PARD3B: variants seen among roughly 807,000 people sequenced by gnomAD.
PARD3B encodes the protein par-3 family cell polarity regulator beta.
Under a neutral mutation model 130.2 loss-of-function variants are expected in PARD3B, and 103 were observed. The observed-to-expected ratio is 0.79, with a 90% CI of 0.67 to 0.93. PARD3B has a LOEUF of 0.93. Among genes scored for constraint, PARD3B ranks in the 40% least tolerant of loss-of-function variants. PARD3B has a pLI of 0.00. For missense variants in PARD3B, 1,609 were observed against 1,499.2 expected, an observed-to-expected ratio of 1.07 and a Z score of -1.21; for synonymous variants, 583 against 553.2, an observed-to-expected ratio of 1.05 and a Z score of -0.76.
chr2:204,864,347 A>G (rs1261573147), intron 2 of PARD3B, among the ~76,000 whole-genome samples: 2 of 152,190 alleles, frequency 1.3e-5, no homozygotes, highest in African/African-American at 2.4e-5. Flanking sequence ...AAAAGCCCCA[A>G]ATGATCTGGC....
At chr2:205,496,605 A>C (rs75055432) in intron 20 of PARD3B, among the ~76,000 whole-genome samples, 2 of 152,144 alleles carry the variant, frequency 1.3e-5, no homozygotes, top group Non-Finnish European at 2.9e-5. Context: ...CCTGTCAGCC[A>C]CAGGGGACTT....
At chr2:205,391,198 C>T (rs561942648) in intron 18 of PARD3B, among the ~76,000 whole-genome samples, 2 of 152,292 alleles carry the variant, frequency 1.3e-5, no homozygotes, top group East Asian at 1.9e-4. Context: ...TCCTAGTTTT[C>T]GGGTTTCCGG....
At chr2:205,387,786 A>C (rs763339672) in intron 18 of PARD3B, among the ~76,000 whole-genome samples, 1 of 152,140 alleles carries the variant, frequency 6.6e-6, no homozygotes, top group Non-Finnish European at 1.5e-5. Context: ...TCCAAAGCCA[A>C]ATACAGGTTG....
intron 20 of PARD3B, among the ~76,000 whole-genome samples, chr2:205,444,922 G>A (rs1040271741): frequency 1.3e-5 from 2 of 152,152 alleles, no homozygotes; most frequent in East Asian, 3.8e-4. Flanking sequence ...TTAATTTAGA[G>A]AGAACAGTTT....
At chr2:204,629,079 C>T (rs1335217372) in intron 1 of PARD3B, among the ~76,000 whole-genome samples, 1 of 152,118 alleles carries the variant, frequency 6.6e-6, no homozygotes, top group Non-Finnish European at 1.5e-5. Context: ...ATTGCCTAAA[C>T]TCACTTCAAA....
chr2:204,728,066 C>T lies in PARD3B; in HGVS notation c.222+41784C>T, dbSNP rs979678172. On this transcript the variant is annotated intron_variant, in intron 2 of 22. Transcript: ENST00000406610. ...GGGAAGAAAGCCTAAAGGCACTTAG[C>T]GCGGGAGGATGCATATTAAATTGTC... Among the ~76,000 whole-genome samples, 12 of 152,222 alleles carry T rather than the reference C, an allele frequency of 7.9e-5. No homozygotes were observed. In the South Asian group the frequency reaches 1.2e-3, roughly 16 times the overall value.
intron 1 of PARD3B, among the ~76,000 whole-genome samples, chr2:204,578,197 C>T (rs1282584663): frequency 6.6e-6 from 1 of 152,188 alleles, no homozygotes; most frequent in East Asian, 1.9e-4. Flanking sequence ...GTGTACAGTT[C>T]TGCAAGATAT....
intron 15 of PARD3B, among the ~76,000 whole-genome samples, chr2:205,218,415 CT>C (rs2038064542): frequency 6.6e-6 from 1 of 152,056 alleles, no homozygotes; most frequent in African/African-American, 2.4e-5. Flanking sequence ...GAAATGGAAG[CT>C]TATGCCAATT....
Position 205,028,248 on chromosome 2 carries a change from C to T in PARD3B, c.395-19333C>T, listed in dbSNP as rs558486037. Among the ~76,000 whole-genome samples the T allele has an allele frequency of 4.2e-4, 64 of 152,240 alleles. 1 individual carries two copies. In the South Asian group the frequency reaches 7.9e-3, roughly 19 times the overall value. On this transcript the variant is annotated intron_variant, in intron 3 of 22. Transcript: ENST00000406610. ...TTGAGTCTTCAATTTCTTTCAACAA[C>T]ATCTTATAGTTTTTGATGTACAGAT... is the stretch of plus-strand genomic sequence containing the variant.
At chr2:204,630,662 A>G (rs1369688966) in intron 1 of PARD3B, among the ~76,000 whole-genome samples, 1 of 152,148 alleles carries the variant, frequency 6.6e-6, no homozygotes, top group Admixed American at 6.5e-5. Context: ...AAGAGTTGTG[A>G]TGGGAAGTGT....
intron 15 of PARD3B, among the ~76,000 whole-genome samples, chr2:205,197,028 G>GTGTGT (rs1559532527): frequency 6.3e-4 from 6 of 9,482 alleles, no homozygotes; most frequent in African/African-American, 3.2e-3. Flanking sequence ...CACTGTGGGG[G>GTGTGT]GGGGGTGTGT....
intron 3 of PARD3B, among the ~76,000 whole-genome samples, chr2:205,027,235 C>T (rs932914899): frequency 6.6e-6 from 1 of 152,120 alleles, no homozygotes; most frequent in Admixed American, 6.6e-5. Flanking sequence ...GCTATCTCAT[C>T]TTTCTGATAA....
At chr2:205,163,459 T>A (rs1351440044) in intron 11 of PARD3B, among the ~76,000 whole-genome samples, 1 of 152,230 alleles carries the variant, frequency 6.6e-6, no homozygotes, top group African/African-American at 2.4e-5. Flanking sequence ...TTGAAGTAAT[T>A]TGATTCTTGT....
At chr2:205,245,150 G>C (rs10204046) in intron 15 of PARD3B, among the ~76,000 whole-genome samples, 63,837 of 151,976 alleles carry the variant, frequency 0.42, 15,000 homozygotes, top group East Asian at 0.6. Context: ...TTGGGTGTTG[G>C]CTTTCCCGCA....
intron 5 of PARD3B, among the ~76,000 whole-genome samples, chr2:205,110,753 C>G (rs1703585463): frequency 6.6e-6 from 1 of 151,416 alleles, no homozygotes; most frequent in Admixed American, 6.6e-5. Flanking sequence ...TATTTTCTGG[C>G]TACTATACTG....
At chr2:205,093,903 A>C (rs1702253307) in intron 4 of PARD3B, among the ~76,000 whole-genome samples, 1 of 152,142 alleles carries the variant, frequency 6.6e-6, no homozygotes, top group South Asian at 2.1e-4. Context: ...CCTTGCTCAA[A>C]AAACAAACAA....
intron 4 of PARD3B, 134 bp from the exon 5 acceptor site, chr2:205,104,292 A>G (rs1398717876): frequency 2.2e-5 from 14 of 629,988 alleles, no homozygotes; most frequent in Admixed American, 7.6e-5. Flanking sequence ...ACCTGCTTCC[A>G]GTTTTCAAAG....
intron 18 of PARD3B, among the ~76,000 whole-genome samples, chr2:205,356,854 A>T (rs1009765594): frequency 6.6e-6 from 1 of 150,588 alleles, no homozygotes; most frequent in South Asian, 2.1e-4. Flanking sequence ...TTGCGCCATT[A>T]TACTCCAGCC....
At chr2:204,730,982 A>T (rs1438480607) in intron 2 of PARD3B, among the ~76,000 whole-genome samples, 1 of 152,188 alleles carries the variant, frequency 6.6e-6, no homozygotes, top group African/African-American at 2.4e-5. Flanking sequence ...GAAAAGAGAA[A>T]CAGAATTCTA....
Sources: allele counts gnomAD v4.1 joint callset (sites outside exome capture counted in the v4.1 genomes callset), GRCh38; gene constraint gnomAD v4.1.1; transcripts MANE v1.5; gene names NCBI Gene and HGNC (gene_info 2026-07-23, HGNC 2026-07-21).